Variants in MPHOSPH9 observed in about 807,000 individuals in gnomAD.
The protein encoded by MPHOSPH9 is M-phase phosphoprotein 9.
Under a neutral mutation model 145.5 loss-of-function variants are expected in MPHOSPH9, and 88 were observed. The ratio of observed to expected loss-of-function variants is 0.60; its 90% CI spans 0.51 to 0.72. The LOEUF is 0.72. Among genes scored for constraint, MPHOSPH9 ranks in the 30% least tolerant of loss-of-function variants. The pLI is 0.00. For missense variants in MPHOSPH9, 1,238 were observed against 1,386.6 expected, an observed-to-expected ratio of 0.89 and a Z score of 1.70; for synonymous variants, 435 against 486.2, an observed-to-expected ratio of 0.89 and a Z score of 1.39.
chr12:123,217,512 C>T (rs1474483576), intron 6 of MPHOSPH9, among the ~76,000 whole-genome samples: 2 of 151,956 alleles, frequency 1.3e-5, no homozygotes, highest in Non-Finnish European at 2.9e-5. Context: ...TTTAAGATTA[C>T]AGTATTACTT....
rs537372885 is a variant in MPHOSPH9 at position 123,208,320 on chromosome 12, C to T, written c.1194+1736G>A. Among the ~76,000 whole-genome samples the T allele has an allele frequency of 3.3e-5, 5 of 151,686 alleles. No individual in the cohort carries two copies. The South Asian group carries it at 8.3e-4, about 25-fold the overall frequency. ...TTGGGAGGCCAAGGCAAGCAAATCACGAGGTCAAGAGATCGAGACCATCCT... is the reference window on the plus strand; with the variant it reads ...TTGGGAGGCCAAGGCAAGCAAATCATGAGGTCAAGAGATCGAGACCATCCT... On this transcript the variant is annotated intron_variant, in intron 8 of 23. Coordinates refer to ENST00000606320, the MANE Select transcript of MPHOSPH9 (RefSeq NM_022782.4).
rs566894738 is a variant in MPHOSPH9 at position 123,222,163 on chromosome 12, ACT to A, written c.349-270_349-269del. Among the ~76,000 whole-genome samples the A allele has an allele frequency of 1.5e-4, 23 of 150,724 alleles. No homozygotes were observed. The East Asian group carries it at 4.3e-3, about 28-fold the overall frequency. ...GCTTGGCCAACACGGTGAAACTCTG[ACT>A]CTACTAAAAATTAGCCAGACACGGT... On this transcript the variant is annotated intron_variant, in intron 4 of 23. Transcript: ENST00000606320.
At chr12:123,221,323 A>G in intron 5 of MPHOSPH9, 49 bp downstream of exon 5, 1 of 1,384,412 alleles carries the variant, frequency 7.2e-7, no homozygotes, top group Non-Finnish European at 9.9e-7. Flanking sequence ...AAGGAACACT[A>G]GATTCTAAAT....
In MPHOSPH9 at chr12:123,203,075, G is replaced by C; in HGVS notation, c.1330C>G (p.Leu444Val). Residue 444 changes from leucine to valine, a missense_variant, in exon 10 of 24, where the codon CTA becomes GTA. Physicochemically the swap from Leu to Val is conservative, Grantham distance 32. Coordinates refer to ENST00000606320, the MANE Select transcript of MPHOSPH9 (RefSeq NM_022782.4). ...NPNHPPEVLT[L>V]DPTLHMKPKQ... ...GGCTTCATGTGTAACGTAGGATCTA[G>C]AGTCAGGACCTGGAAACCAGACAAC... 1 of 1,611,888 alleles carries C rather than the reference G, an allele frequency of 6.2e-7. No homozygotes were observed. The highest frequency in any genetic ancestry group is 1.3e-5 in the African/African-American group (1 of 74,964).
At chr12:123,232,767 G>C (rs1285270014) in intron 1 of MPHOSPH9, 3 of 152,166 alleles carry the variant, frequency 2.0e-5, no homozygotes, top group African/African-American at 4.8e-5. Context: ...AAAGGAAACC[G>C]GGGCACCTTG....
chr12:123,222,640 TGA>T (rs908315247), intron 4 of MPHOSPH9, among the ~76,000 whole-genome samples: 1 of 150,124 alleles, frequency 6.7e-6, no homozygotes, highest in African/African-American at 2.5e-5. Flanking sequence ...GGCAACAGAG[TGA>T]GACTCCATCT....
Position 123,210,864 on chromosome 12 carries a change from C to G in MPHOSPH9, c.1088-702G>C, listed in dbSNP as rs186455851. On this transcript the variant is annotated intron_variant, in intron 7 of 23. Coordinates refer to ENST00000606320, the MANE Select transcript of MPHOSPH9 (RefSeq NM_022782.4). ...ATGGAATGCAGTGGAGTGATCTCGG[C>G]TCATTGCAACCTCCGCCTCCCGAGT... Among the ~76,000 whole-genome samples, 25 of 151,812 alleles carry G rather than the reference C, an allele frequency of 1.6e-4. No homozygotes were observed. The East Asian group carries it at 4.9e-3, about 29-fold the overall frequency.
At chr12:123,228,105 CA>C (rs1048112360) in intron 2 of MPHOSPH9, among the ~76,000 whole-genome samples, 1 of 152,094 alleles carries the variant, frequency 6.6e-6, no homozygotes, top group Non-Finnish European at 1.5e-5. Flanking sequence ...TTGTGCCAAG[CA>C]AATCAGCAGC....
chr12:123,230,141 A>T lies in MPHOSPH9; in HGVS notation c.104+120T>A, dbSNP rs2047586097. ...CCAGCCTCCCTGAACATTCTTGATG[A>T]TAGGTTAAAAAATAATAATAATTCA... On this transcript the variant is annotated intron_variant, in intron 2 of 23. Coordinates refer to ENST00000606320, the MANE Select transcript of MPHOSPH9 (RefSeq NM_022782.4). The T allele has an allele frequency of 4.7e-6, 3 of 640,504 alleles. No homozygotes were observed. The East Asian group carries it at 9.4e-5, about 20-fold the overall frequency. 39.7% of individuals were successfully genotyped at this position (640,504 alleles called of 1,614,324 possible).
intron 5 of MPHOSPH9, among the ~76,000 whole-genome samples, chr12:123,219,639 C>T (rs1400884180): frequency 2.0e-5 from 3 of 151,890 alleles, no homozygotes; most frequent in Admixed American, 1.3e-4. Context: ...ACCACATTTG[C>T]CCTTCCAAGT....
intron 16 of MPHOSPH9, among the ~76,000 whole-genome samples, chr12:123,172,135 C>T (rs1282053764): frequency 6.6e-6 from 1 of 152,076 alleles, no homozygotes; most frequent in Non-Finnish European, 1.5e-5. Flanking sequence ...CCACGTTGAC[C>T]GTCTAGCTGA....
At chr12:123,201,402 CAG>C (rs1056749520) in intron 11 of MPHOSPH9, among the ~76,000 whole-genome samples, 7 of 152,116 alleles carry the variant, frequency 4.6e-5, no homozygotes, top group Non-Finnish European at 8.8e-5. Context: ...TATTTAGAGA[CAG>C]GGTGTCGCTC....
At chr12:123,161,057 T>C in intron 22 of MPHOSPH9, 79 bp downstream of exon 22, 1 of 1,524,308 alleles carries the variant, frequency 6.6e-7, no homozygotes, top group Non-Finnish European at 8.9e-7. Flanking sequence ...GAGACAGGTT[T>C]GACTCAATAA....
intron 17 of MPHOSPH9, 39 bp from the exon 18 acceptor site, chr12:123,165,516 A>G: frequency 1.3e-6 from 2 of 1,556,806 alleles, no homozygotes; most frequent in Admixed American, 1.7e-5. Context: ...GCTATGGACT[A>G]AATGTCTGTA....
intron 11 of MPHOSPH9, among the ~76,000 whole-genome samples, chr12:123,199,620 C>A (rs550447533): frequency 2.0e-5 from 3 of 151,900 alleles, no homozygotes; most frequent in South Asian, 4.2e-4. Flanking sequence ...CGGTGAAACC[C>A]CGTCTCTACT....
Position 123,202,667 on chromosome 12 carries a change from A to G in MPHOSPH9, c.1738T>C (p.Cys580Arg). The G allele has an allele frequency of 6.2e-7, 1 of 1,614,210 alleles. No individual in the cohort carries two copies. Among genetic ancestry groups the G allele is most frequent in the Non-Finnish European group, 8.5e-7 (1 of 1,180,034 alleles). The change falls in exon 10 of 24, where the codon TGC becomes CGC. Residue 580 changes from cysteine to arginine, a missense_variant. By Grantham distance (180) the Cys-to-Arg change is radical. Coordinates refer to ENST00000606320, the MANE Select transcript of MPHOSPH9 (RefSeq NM_022782.4). Reference sequence around the variant, plus strand: ...TCTTCCAAGGAAGTCAATGAAATGCATTCTGGGACACTGTTGGCTGTACCT... The same window carrying G: ...TCTTCCAAGGAAGTCAATGAAATGCGTTCTGGGACACTGTTGGCTGTACCT... ...LPGTANSVPE[C>R]ISLTSLEDPV...
intron 16 of MPHOSPH9, among the ~76,000 whole-genome samples, chr12:123,169,975 T>C (rs974263333): frequency 9.2e-5 from 14 of 151,664 alleles, no homozygotes; most frequent in African/African-American, 3.4e-4. Flanking sequence ...TACACATTTT[T>C]AAATGTCTTT....
chr12:123,227,588 C>T lies in MPHOSPH9; in HGVS notation c.133G>A (p.Val45Ile). The change falls in exon 3 of 24, where the codon GTA becomes ATA. Residue 45 changes from valine to isoleucine, a missense_variant. Val to Ile is a conservative substitution (Grantham distance 29, BLOSUM62 3). Around this residue, in one of 3 missense-constraint regions of MPHOSPH9, gnomAD observed 837 missense variants for 897.5 expected, o/e 0.93. Transcript: ENST00000606320. The stretch of plus-strand genomic sequence containing the variant: ...CTGGTCTTCCCTGAGAAAGAGGATA[C>T]CCCATTTGTACTAAGGTGGGGACTA... The part of the protein sequence containing the change: ...RSSPHLSTNG[V>I]SSFSGKTRPS... 1 of 1,530,870 alleles carries T rather than the reference C, an allele frequency of 6.5e-7. No individual in the cohort carries two copies. Among genetic ancestry groups the T allele is most frequent in the Non-Finnish European group, 8.7e-7 (1 of 1,144,362 alleles). The allele number at this position is 1,530,870 out of a possible 1,614,324, so 94.8% of individuals were successfully genotyped here.
intron 3 of MPHOSPH9, among the ~76,000 whole-genome samples, chr12:123,226,933 G>A (rs1299223883): frequency 2.6e-5 from 4 of 152,152 alleles, no homozygotes; most frequent in East Asian, 1.9e-4. Context: ...CACTGTGCTC[G>A]GCCATGTAAG....
Sources: gnomAD v4.1 joint callset for allele counts (sites outside exome capture counted in the v4.1 genomes callset) on GRCh38, gnomAD v4.1.1 for gene constraint, gnomAD v4.1.1 regional missense constraint, MANE v1.5 for transcripts, NCBI Gene and HGNC (gene_info 2026-07-23, HGNC 2026-07-21) for gene names.